The following GRIK3 variants were observed in gnomAD, a reference collection of about 807,000 sequenced individuals.
GRIK3 encodes glutamate receptor ionotropic, kainate 3.
In GRIK3, 29 loss-of-function variants were observed where a neutral mutation model predicts 102.5. That is an observed-to-expected ratio of 0.28 (90% CI 0.21 to 0.39). GRIK3 has a LOEUF of 0.39. Among genes scored for constraint, GRIK3 ranks in the 10% least tolerant of loss-of-function variants. The pLI, the probability that GRIK3 is intolerant of heterozygous loss-of-function variation, is 1.00. For missense variants in GRIK3, 908 were observed against 1,252.4 expected (o/e 0.73, Z 4.15); for synonymous variants, 511 against 504.9 (o/e 1.01, Z -0.16).
intron 1 of GRIK3, among the ~76,000 whole-genome samples, chr1:36,901,504 A>C (rs1017182222): frequency 6.6e-6 from 1 of 152,242 alleles, no homozygotes. Flanking sequence ...TTAATGATAA[A>C]AACTCTCAGT....
chr1:36,923,158 G>A (rs532492121), intron 1 of GRIK3, among the ~76,000 whole-genome samples: 2 of 152,228 alleles, frequency 1.3e-5, no homozygotes, highest in Non-Finnish European at 2.9e-5. Context: ...AATGTTTCTG[G>A]TTAAATTAAC....
chr1:36,912,196 G>A (rs941878566), intron 1 of GRIK3, among the ~76,000 whole-genome samples: 10 of 152,020 alleles, frequency 6.6e-5, no homozygotes, highest in East Asian at 1.9e-4. Flanking sequence ...CATGATCCTC[G>A]TCCCCTGATC....
At chr1:37,029,924 C>T (rs916209374) in intron 1 of GRIK3, among the ~76,000 whole-genome samples, 1 of 152,190 alleles carries the variant, frequency 6.6e-6, no homozygotes, top group Non-Finnish European at 1.5e-5. Flanking sequence ...ATGCAGGTGA[C>T]CTTGGAAGAG....
rs888823861 is a variant in GRIK3, at chr1:36,816,966, A to G, written c.2091+94T>C. The G allele has an allele frequency of 2.1e-5, 17 of 821,890 alleles. No individual in the cohort carries two copies. The Admixed American group carries it at 3.7e-4, about 18-fold the overall frequency. 50.9% of individuals were successfully genotyped at this position (821,890 alleles called of 1,614,324 possible). ...TCTGACCCATTGGCCATGCGTGGTT[A>G]GGGAAGGACAGAGACCCCCTTTCCT... On this transcript the variant is annotated intron_variant, in intron 13 of 15. Transcript: ENST00000373091.
In GRIK3 at chr1:36,817,051, G is replaced by A. The variant is rs776170387; in HGVS notation, c.2091+9C>T. On this transcript the variant is annotated intron_variant, in intron 13 of 15. Transcript: ENST00000373091. ...TCACGGTGCTGCAATAGGAGGGAGA[G>A]GGCCTCACCTTGAAGAAGGTCATGG... The A allele has an allele frequency of 1.3e-6, 2 of 1,596,002 alleles. No homozygotes were observed. Among genetic ancestry groups the A allele is most frequent in the African/African-American group, 1.3e-5 (1 of 74,574 alleles).
intron 1 of GRIK3, among the ~76,000 whole-genome samples, chr1:37,030,556 C>CCG (rs1553129704): frequency 1.4e-5 from 2 of 140,668 alleles, no homozygotes; most frequent in African/African-American, 5.4e-5. Flanking sequence ...CCTCCCCCCC[C>CCG]CCAACACCTG....
chr1:36,924,046 G>T (rs1415343505), intron 1 of GRIK3, among the ~76,000 whole-genome samples: 1 of 152,156 alleles, frequency 6.6e-6, no homozygotes, highest in Non-Finnish European at 1.5e-5. Flanking sequence ...AAGTCCTGTT[G>T]TGCAAGGGCA....
intron 1 of GRIK3, among the ~76,000 whole-genome samples, chr1:37,004,536 C>G (rs1642511591): frequency 6.6e-6 from 1 of 152,202 alleles, no homozygotes; most frequent in African/African-American, 2.4e-5. Context: ...TCACCACTCA[C>G]TTGGTTTTCA....
intron 5 of GRIK3, among the ~76,000 whole-genome samples, chr1:36,869,487 T>G (rs1007408212): frequency 6.6e-6 from 1 of 152,172 alleles, no homozygotes; most frequent in Non-Finnish European, 1.5e-5. Flanking sequence ...TTAAGTGCCT[T>G]AGCCAAGGAA....
chr1:36,856,406 G>A (rs945728053), intron 7 of GRIK3, among the ~76,000 whole-genome samples: 1 of 152,178 alleles, frequency 6.6e-6, no homozygotes, highest in Admixed American at 6.5e-5. Flanking sequence ...TCTAGCCACC[G>A]CTCAGGACTT....
chr1:36,838,395 A>C (rs1164521771), intron 10 of GRIK3, among the ~76,000 whole-genome samples: 19 of 152,238 alleles, frequency 1.2e-4, no homozygotes, highest in Non-Finnish European at 4.4e-5. Flanking sequence ...GGAAACAGAC[A>C]AGTAGGCAGT....
chr1:36,924,254 A>G (rs1266027151), intron 1 of GRIK3, among the ~76,000 whole-genome samples: 3 of 152,164 alleles, frequency 2.0e-5, no homozygotes, highest in Non-Finnish European at 4.4e-5. Context: ...TCGCATTTCC[A>G]CTAGGGTTTC....
chr1:36,923,665 G>A (rs373901730), intron 1 of GRIK3, among the ~76,000 whole-genome samples: 8 of 152,144 alleles, frequency 5.3e-5, no homozygotes, highest in African/African-American at 1.9e-4. Context: ...ACACTCTTCC[G>A]TGCTCTCTCC....
At chr1:36,946,559 T>A (rs1641786908) in intron 1 of GRIK3, among the ~76,000 whole-genome samples, 1 of 152,178 alleles carries the variant, frequency 6.6e-6, no homozygotes, top group Admixed American at 6.5e-5. Flanking sequence ...TGAAGGTGGC[T>A]CTCGCATGGG....
At chr1:36,853,161 G>A (rs1236524607) in intron 8 of GRIK3, among the ~76,000 whole-genome samples, 1 of 152,226 alleles carries the variant, frequency 6.6e-6, no homozygotes, top group Non-Finnish European at 1.5e-5. Flanking sequence ...TTGCTTAAAT[G>A]TCTCCAGTGA....
intron 1 of GRIK3, among the ~76,000 whole-genome samples, chr1:36,919,374 AT>A (rs369180399): frequency 6.7e-6 from 1 of 148,238 alleles, no homozygotes; most frequent in Non-Finnish European, 1.5e-5. Flanking sequence ...ATTTTATTTT[AT>A]TTATTATTAT....
In GRIK3 at chr1:36,806,040, C is replaced by T. The variant is rs571483553; in HGVS notation, c.2314+64G>A. ...AGCTGTGAGACGGAGTGTGAGGGGACGCGGGGGTGGAGCCCTCCCTCTGCC... is the reference window on the plus strand; with the variant it reads ...AGCTGTGAGACGGAGTGTGAGGGGATGCGGGGGTGGAGCCCTCCCTCTGCC... On this transcript the variant is annotated intron_variant, in intron 14 of 15. Transcript: ENST00000373091. This position sits in a 1 kb window ranked among gnomAD's most constrained non-coding sequence, Gnocchi z 4.0. 44 of 1,058,834 alleles carry T rather than the reference C, an allele frequency of 4.2e-5. No individual in the cohort carries two copies. The African/African-American group carries it at 6.2e-4, about 15-fold the overall frequency. The allele number at this position is 1,058,834 out of a possible 1,614,324, so 65.6% of individuals were successfully genotyped here. A position where few individuals can be genotyped will look rare whatever the true frequency, so the allele number is the denominator to read the frequency against.
chr1:37,008,526 A>G (rs543726454), intron 1 of GRIK3, among the ~76,000 whole-genome samples: 5 of 152,312 alleles, frequency 3.3e-5, no homozygotes, highest in Admixed American at 2.0e-4. Flanking sequence ...TAAATACCAC[A>G]TTTTCCCTCC....
In GRIK3 at chr1:37,034,459, C is replaced by T. The variant is rs1175517404; in HGVS notation, c.-351G>A. ...GCCGGGCTCTGGCGGGCGGGCTGCA[C>T]GCGTCTCCGGCCGCTCCTCCTCCAG... is the stretch of plus-strand genomic sequence containing the variant. On this transcript the variant is annotated 5_prime_UTR_variant, in exon 1 of 16. It adds an upstream start codon to the 5' untranslated region. Transcript: ENST00000373091. Among the ~76,000 whole-genome samples, 1 of 151,448 alleles carries T rather than the reference C, an allele frequency of 6.6e-6. No individual in the cohort carries two copies. The highest frequency in any genetic ancestry group is 1.5e-5 in the Non-Finnish European group (1 of 67,696).
Sources: allele counts gnomAD v4.1 joint callset (sites outside exome capture counted in the v4.1 genomes callset), GRCh38; gene constraint gnomAD v4.1.1; non-coding constraint Gnocchi (gnomAD v3.1); transcripts MANE v1.5; gene names NCBI Gene and HGNC (gene_info 2026-07-23, HGNC 2026-07-21).